The following EIF4G3 variants were observed in gnomAD, a reference collection of about 807,000 sequenced individuals.
EIF4G3 encodes eIF-4-gamma 3.
Under a neutral mutation model 186.4 loss-of-function variants are expected in EIF4G3, and 34 were observed. The ratio of observed to expected loss-of-function variants is 0.18; its 90% CI spans 0.14 to 0.24. The LOEUF (loss-of-function observed/expected upper bound fraction) is 0.24, where lower values mean the gene tolerates loss of function less well. EIF4G3 is among the 10% of genes least tolerant of loss of function. The pLI, the probability that EIF4G3 is intolerant of heterozygous loss-of-function variation, is 1.00. For missense variants in EIF4G3, 1,536 were observed against 1,948.5 expected (o/e 0.79, Z 3.99); for synonymous variants, 673 against 679.5 (o/e 0.99, Z 0.15).
At chr1:21,096,314 T>C (rs1266219034) in intron 2 of EIF4G3, among the ~76,000 whole-genome samples, 1 of 152,190 alleles carries the variant, frequency 6.6e-6, no homozygotes, top group Non-Finnish European at 1.5e-5. Context: ...TGTTCTCACT[T>C]ACTGTTGAGA....
chr1:20,915,214 C>T (rs1182381428), intron 14 of EIF4G3, among the ~76,000 whole-genome samples: 1 of 152,090 alleles, frequency 6.6e-6, no homozygotes, highest in Non-Finnish European at 1.5e-5. Flanking sequence ...TCTGTGACTC[C>T]TCTGGAGGCT....
intron 4 of EIF4G3, among the ~76,000 whole-genome samples, chr1:21,046,027 T>G (rs2093865980): frequency 6.6e-6 from 1 of 152,180 alleles, no homozygotes; most frequent in Non-Finnish European, 1.5e-5. Context: ...GTAGGAGGGT[T>G]GGAACTCTAA....
At chr1:21,018,962 A>G (rs1047276857) in intron 4 of EIF4G3, among the ~76,000 whole-genome samples, 2 of 151,574 alleles carry the variant, frequency 1.3e-5, no homozygotes, top group Non-Finnish European at 2.9e-5. Flanking sequence ...AGACTTAGGT[A>G]TTCCTTTATA....
chr1:21,160,107 C>CAAA (rs34145998), intron 2 of EIF4G3, among the ~76,000 whole-genome samples: 2 of 114,130 alleles, frequency 1.8e-5, no homozygotes, highest in South Asian at 2.9e-4. Flanking sequence ...AACTCCATCT[C>CAAA]AAAAAAAAAA....
At chr1:21,087,602 G>A (rs2096030663) in intron 3 of EIF4G3, among the ~76,000 whole-genome samples, 1 of 151,996 alleles carries the variant, frequency 6.6e-6, no homozygotes, top group Non-Finnish European at 1.5e-5. Context: ...TGACCAACCT[G>A]AGCAACATCA....
At chr1:20,845,769 G>A (rs908949299) in intron 29 of EIF4G3, among the ~76,000 whole-genome samples, 2 of 152,126 alleles carry the variant, frequency 1.3e-5, no homozygotes, top group African/African-American at 4.8e-5. Flanking sequence ...GCTTACGACT[G>A]CCTTGGCTAT....
chr1:21,053,251 GAC>G, intron 3 of EIF4G3, among the ~76,000 whole-genome samples: 1 of 151,820 alleles, frequency 6.6e-6, no homozygotes. Context: ...GAAGTGAGGA[GAC>G]CCTCTGCCTG....
Position 20,845,518 on chromosome 1 carries a change from C to T in EIF4G3, c.3888+3897G>A, listed in dbSNP as rs182608490. 4.3e-3 allele frequency among the ~76,000 whole-genome samples: 655 copies of T among 152,036 alleles called. 3 individuals carry two copies. The highest frequency in any genetic ancestry group is 0.014 in the African/African-American group (584 of 41,482). On this transcript the variant is annotated intron_variant, in intron 29 of 36. Transcript: ENST00000602326. The stretch of plus-strand genomic sequence containing the variant: ...TCTACTAAAAGTACAAAAAATTAGC[C>T]GGGCATGGTGGCGGGCGCCTGTAGT...
intron 2 of EIF4G3, among the ~76,000 whole-genome samples, chr1:21,158,473 G>A (rs2097701238): frequency 6.6e-6 from 1 of 152,072 alleles, no homozygotes. Flanking sequence ...AACACACCAA[G>A]CCAATATATA....
intron 6 of EIF4G3, chr1:20,999,307 G>A (rs1487752204): frequency 2.9e-6 from 1 of 348,336 alleles, no homozygotes; most frequent in Admixed American, 3.7e-5. Flanking sequence ...AAGAAATTGA[G>A]GTCTTGTATT....
At chr1:21,035,667 G>A (rs2093134203) in intron 4 of EIF4G3, among the ~76,000 whole-genome samples, 1 of 152,254 alleles carries the variant, frequency 6.6e-6, no homozygotes, top group Non-Finnish European at 1.5e-5. Context: ...GCCAAGATAG[G>A]GCAGGGGGGC....
At chr1:21,046,199 G>A (rs2093875994) in intron 4 of EIF4G3, among the ~76,000 whole-genome samples, 1 of 152,172 alleles carries the variant, frequency 6.6e-6, no homozygotes, top group Admixed American at 6.5e-5. Flanking sequence ...GCCATTTCAG[G>A]GAAACTGAAA....
At chr1:21,068,396 A>AAAAAAAAAAAAAAAAC (rs1200202846) in intron 3 of EIF4G3, among the ~76,000 whole-genome samples, 2 of 148,708 alleles carry the variant, frequency 1.3e-5, no homozygotes, top group African/African-American at 2.5e-5. Context: ...AAAAAAAAAA[A>AAAAAAAAAAAAAAAAC]AAAACAGAAT....
intron 16 of EIF4G3, among the ~76,000 whole-genome samples, 195 bp downstream of exon 16, chr1:20,899,502 C>T (rs574546343): frequency 1.7e-4 from 26 of 152,324 alleles, no homozygotes; most frequent in African/African-American, 6.3e-4. Context: ...ATACCAGTGT[C>T]GGGTATCATT....
intron 15 of EIF4G3, among the ~76,000 whole-genome samples, chr1:20,900,193 T>C (rs2089806099): frequency 6.6e-6 from 1 of 152,192 alleles, no homozygotes; most frequent in Non-Finnish European, 1.5e-5. Context: ...TATCCAAATA[T>C]ACCAAAGGTT....
intron 34 of EIF4G3, among the ~76,000 whole-genome samples, chr1:20,815,383 T>G (rs2060331984): frequency 7.7e-6 from 1 of 129,260 alleles, no homozygotes; most frequent in Non-Finnish European, 1.6e-5. Context: ...GTGAGGAGCA[T>G]CTCTGCCTGA....
intron 14 of EIF4G3, among the ~76,000 whole-genome samples, chr1:20,909,286 T>C (rs1486735547): frequency 6.6e-6 from 1 of 152,192 alleles, no homozygotes; most frequent in Non-Finnish European, 1.5e-5. Context: ...AGACACATGA[T>C]CTAGAACATG....
At chr1:20,892,986 T>C (rs113480664) in intron 18 of EIF4G3, 3 of 397,366 alleles carry the variant, frequency 7.5e-6, no homozygotes, top group African/African-American at 6.3e-5. Flanking sequence ...TGGCTCACTG[T>C]AGCCTGGACC....
intron 14 of EIF4G3, among the ~76,000 whole-genome samples, chr1:20,918,555 T>C (rs961786494): frequency 1.3e-5 from 2 of 152,164 alleles, no homozygotes; most frequent in African/African-American, 4.8e-5. Flanking sequence ...ATATGAGTTA[T>C]TCTTCAACAT....
Sources: allele counts gnomAD v4.1 joint callset (sites outside exome capture counted in the v4.1 genomes callset), GRCh38; gene constraint gnomAD v4.1.1; transcripts MANE v1.5; gene names NCBI Gene and HGNC (gene_info 2026-07-23, HGNC 2026-07-21).